EIF3D: variants seen among roughly 807,000 people sequenced by gnomAD.
The protein encoded by EIF3D is eukaryotic translation initiation factor 3 subunit D.
A neutral mutation model predicts 75.4 loss-of-function variants in EIF3D; 10 were observed. The ratio of observed to expected loss-of-function variants is 0.13; its 90% CI spans 0.08 to 0.22. The LOEUF is 0.22. EIF3D is among the 10% of genes least tolerant of loss of function. The pLI, the probability that EIF3D is intolerant of heterozygous loss-of-function variation, is 1.00. For missense variants in EIF3D, 394 were observed against 708.0 expected (o/e 0.56, Z 5.03); for synonymous variants, 246 against 248.3 (o/e 0.99, Z 0.09).
rs1203729678 is a variant in EIF3D at position 36,525,653 on chromosome 22, G to C, written c.169+11C>G. 1.2e-6 allele frequency: 2 copies of C among 1,612,362 alleles called. No individual in the cohort carries two copies. The highest frequency in any genetic ancestry group is 1.7e-6 in the Non-Finnish European group (2 of 1,179,604). On this transcript the variant is annotated intron_variant, in intron 3 of 14. Transcript: ENST00000216190. ...GCCCTGATTGGGGCATTCAGTTGCA[G>C]AAACACTTACTTGTGTACCTCTTAT... is the stretch of plus-strand genomic sequence containing the variant.
chr22:36,519,649 AATC>A, intron 7 of EIF3D, 112 bp from the exon 8 acceptor site: 1 of 1,458,784 alleles, frequency 6.9e-7, no homozygotes, highest in African/African-American at 1.4e-5. Context: ...GGTGGAAAGC[AATC>A]TCTGGCCAGA....
chr22:36,519,649 A>G, intron 7 of EIF3D, 112 bp from the exon 8 acceptor site: 1 of 1,458,784 alleles, frequency 6.9e-7, no homozygotes, highest in East Asian at 2.3e-5. Flanking sequence ...GGTGGAAAGC[A>G]ATCTCTGGCC....
At chr22:36,514,466 C>T (rs949464440) in intron 12 of EIF3D, among the ~76,000 whole-genome samples, 3 of 152,162 alleles carry the variant, frequency 2.0e-5, no homozygotes, top group South Asian at 2.1e-4. Context: ...ATCAGTTTAC[C>T]TTAATATACA....
chr22:36,528,419 TG>T (rs1934641218), intron 1 of EIF3D, among the ~76,000 whole-genome samples: 2 of 144,496 alleles, frequency 1.4e-5, no homozygotes, highest in Non-Finnish European at 3.0e-5. Flanking sequence ...CTTTAATAAA[TG>T]TTTTTTTTTT....
chr22:36,520,730 A>G, intron 6 of EIF3D, 42 bp from the exon 7 acceptor site: 2 of 1,390,800 alleles, frequency 1.4e-6, no homozygotes, highest in Non-Finnish European at 2.0e-6. Context: ...GTTATAGTCC[A>G]TACAAAACAT....
intron 12 of EIF3D, 151 bp from the exon 13 acceptor site, chr22:36,512,753 AGT>A: frequency 1.2e-6 from 1 of 869,132 alleles, no homozygotes; most frequent in Non-Finnish European, 1.7e-6. Flanking sequence ...ACAAAGACAT[AGT>A]CCCTTCCCTT....
chr22:36,511,244 A>T, intron 14 of EIF3D: 1 of 823,494 alleles, frequency 1.2e-6, no homozygotes, highest in Non-Finnish European at 1.8e-6. Context: ...ACCGGCTTCA[A>T]TCTGGGACTT....
At chr22:36,517,937 T>C (rs9622409) in intron 9 of EIF3D, among the ~76,000 whole-genome samples, 13,550 of 151,804 alleles carry the variant, frequency 0.089, 691 homozygotes, top group Middle Eastern at 0.14. Flanking sequence ...TAGTAGAGAC[T>C]GGGTTTCACC....
chr22:36,522,405 A>G (rs1934528040), intron 6 of EIF3D, among the ~76,000 whole-genome samples: 1 of 152,172 alleles, frequency 6.6e-6, no homozygotes, highest in African/African-American at 2.4e-5. Flanking sequence ...AACCCCGAGT[A>G]TATGGAGGGC....
At chr22:36,524,492 A>T in intron 4 of EIF3D, 104 bp downstream of exon 4, 1 of 1,528,232 alleles carries the variant, frequency 6.5e-7, no homozygotes, top group Non-Finnish European at 8.9e-7. Flanking sequence ...AAGACCTATA[A>T]TATGCTTCCC....
chr22:36,511,983 C>T (rs946073880), intron 13 of EIF3D, among the ~76,000 whole-genome samples, 197 bp from the exon 14 acceptor site: 30 of 151,772 alleles, frequency 2.0e-4, no homozygotes, highest in African/African-American at 6.8e-4. Context: ...CTCCGCCTCC[C>T]GGGTTCACAC....
chr22:36,514,504 T>C (rs1190182972), intron 12 of EIF3D, among the ~76,000 whole-genome samples: 1 of 152,220 alleles, frequency 6.6e-6, no homozygotes, highest in Non-Finnish European at 1.5e-5. Flanking sequence ...CCCAACCGTA[T>C]GAGTCTCTTA....
rs140000 is a variant in EIF3D, at chr22:36,523,127, A to G, written c.465+82T>C. The G allele has an allele frequency of 4.3e-3, 4,673 of 1,094,506 alleles. 19 individuals carry two copies. The highest frequency in any genetic ancestry group is 7.1e-3 in the Middle Eastern group (36 of 5,044). The allele number at this position is 1,094,506 out of a possible 1,614,324, so 67.8% of individuals were successfully genotyped here. A position where few individuals can be genotyped will look rare whatever the true frequency, so the allele number is the denominator to read the frequency against. On this transcript the variant is annotated intron_variant, in intron 6 of 14. Coordinates refer to ENST00000216190, the MANE Select transcript of EIF3D (RefSeq NM_003753.4). The stretch of plus-strand genomic sequence containing the variant: ...CACTAAATTGTACGGTATGTGAAGT[A>G]TATCTCATCTAAGCTATTAATAAAG...
intron 12 of EIF3D, among the ~76,000 whole-genome samples, chr22:36,513,550 G>A (rs62229998): frequency 0.025 from 3,733 of 152,252 alleles, 79 homozygotes; most frequent in Non-Finnish European, 0.04. Context: ...TGATCCACTC[G>A]CCCCGGCCTC....
At chr22:36,523,631 A>T (rs1934550383) in intron 5 of EIF3D, among the ~76,000 whole-genome samples, 1 of 152,208 alleles carries the variant, frequency 6.6e-6, no homozygotes. Context: ...AACTGAGCCC[A>T]GGTAAGCTCC....
intron 7 of EIF3D, among the ~76,000 whole-genome samples, 189 bp from the exon 8 acceptor site, chr22:36,519,726 C>T (rs1015560932): frequency 2.0e-5 from 3 of 152,188 alleles, no homozygotes; most frequent in Admixed American, 1.3e-4. Context: ...GCATAGAACA[C>T]AGCAAGCACA....
intron 9 of EIF3D, among the ~76,000 whole-genome samples, chr22:36,518,418 G>A (rs1323215943): frequency 6.6e-6 from 1 of 151,998 alleles, no homozygotes; most frequent in Admixed American, 6.6e-5. Flanking sequence ...GAATGTGGGA[G>A]GCAGACGCTG....
rs767162773 is a variant in EIF3D, at chr22:36,519,537, A to G, written c.579T>C (p.Ile193=). ...AGTATTCTAGGGCCCCACAACACTC[A>G]CTGTGGGAAGAGCAGGCAAAGACAT... The part of the protein sequence containing the change: ...RYLEVSEPQD[I]ECCGALEYYD... The change falls in exon 8 of 15, where the codon ATT becomes ATC. Residue 193 remains isoleucine, a splice_region_variant and synonymous_variant. Coordinates refer to ENST00000216190, the MANE Select transcript of EIF3D (RefSeq NM_003753.4). 7 of 1,613,944 alleles carry G rather than the reference A, an allele frequency of 4.3e-6. No individual in the cohort carries two copies. The highest frequency in any genetic ancestry group is 5.9e-6 in the Non-Finnish European group (7 of 1,179,980).
chr22:36,516,961 T>A (rs1311407401), intron 10 of EIF3D, 171 bp from the exon 11 acceptor site: 1 of 647,218 alleles, frequency 1.5e-6, no homozygotes, highest in African/African-American at 1.8e-5. Context: ...CTCCCAACTG[T>A]TAGCACCTGA....
Sources: gnomAD v4.1 joint callset for allele counts (sites outside exome capture counted in the v4.1 genomes callset) on GRCh38, gnomAD v4.1.1 for gene constraint, MANE v1.5 for transcripts, NCBI Gene and HGNC (gene_info 2026-07-23, HGNC 2026-07-21) for gene names.